Variants in ZNF581 observed in about 807,000 individuals in gnomAD.
ZNF581 encodes the protein zinc finger protein 581.
ZNF581 carries 1 observed loss-of-function variant against 1.2 expected under a neutral mutation model. That is an observed-to-expected ratio of 0.83 (90% CI 0.30 to 3.95). The LOEUF (loss-of-function observed/expected upper bound fraction) is 3.95, where lower values mean the gene tolerates loss of function less well. Among genes scored for constraint, ZNF581 ranks in the 30% most tolerant of loss-of-function variants. The probability of loss-of-function intolerance (pLI) is 0.18; values close to 1 mark genes in which losing one functional copy is unlikely to be tolerated. For synonymous variants in ZNF581, 105 were observed against 109.2 expected, an observed-to-expected ratio of 0.96 and a Z score of 0.24; for missense variants, 273 against 274.6, an observed-to-expected ratio of 0.99 and a Z score of 0.04.
upstream of ZNF581, chr19:55,642,344 C>T (rs2123629293): frequency 4.0e-6 from 5 of 1,264,466 alleles, no homozygotes; most frequent in Non-Finnish European, 5.0e-6. Context: ...CGTGGGAGAG[C>T]CGGGCTGGAG....
At position 55,644,790 on chromosome 19, in the gene ZNF581, G is replaced by A. The variant is rs769894667; in HGVS notation, c.219G>A (p.Arg73=). ...YTVLVDEESQ[R]EPGASGAPGQ... ...TGCTGGTGGACGAGGAGTCACAGAG[G>A]GAGCCAGGGGCCAGTGGGGCTCCAG... Residue 73 remains arginine, a synonymous_variant, in exon 2 of 2, where the codon AGG becomes AGA. Coordinates refer to ENST00000270451, the MANE Select transcript of ZNF581 (RefSeq NM_016535.4). This position sits in a 1 kb window ranked among gnomAD's most constrained non-coding sequence, Gnocchi z 4.3. The A allele has an allele frequency of 5.0e-6, 8 of 1,613,264 alleles. No homozygotes were observed. Among genetic ancestry groups the A allele is most frequent in the Admixed American group, 1.7e-5 (1 of 59,986 alleles).
upstream of ZNF581, chr19:55,641,908 G>C: frequency 3.2e-6 from 1 of 314,702 alleles, no homozygotes; most frequent in Non-Finnish European, 4.6e-6. Context: ...GGTTAGTGGG[G>C]CTCTGGGGAG....
upstream of ZNF581, chr19:55,643,086 C>G (rs1188764955): frequency 1.5e-6 from 2 of 1,333,272 alleles, no homozygotes; most frequent in African/African-American, 1.5e-5. Flanking sequence ...CTGACCCACA[C>G]AGCGTCACTC....
upstream of ZNF581, among the ~76,000 whole-genome samples, chr19:55,636,265 C>T (rs1982084507): frequency 6.6e-6 from 1 of 152,020 alleles, no homozygotes; most frequent in South Asian, 2.1e-4. Flanking sequence ...AAGGAAGGGG[C>T]CAGAACTTGG....
In ZNF581 at chr19:55,644,406, A is replaced by C; in HGVS notation, c.-19-147A>C. The C allele has an allele frequency of 1.6e-6, 1 of 613,710 alleles. No homozygotes were observed. The highest frequency in any genetic ancestry group is 2.8e-5 in the East Asian group (1 of 35,972). 38.0% of individuals were successfully genotyped at this position (613,710 alleles called of 1,614,324 possible). A position where few individuals can be genotyped will look rare whatever the true frequency, so the allele number is the denominator to read the frequency against. On this transcript the variant is annotated intron_variant, in intron 1 of 1. Transcript: ENST00000270451. The surrounding 1 kb of genome is among the most constrained non-coding windows in gnomAD (Gnocchi z 4.3). The stretch of plus-strand genomic sequence containing the variant: ...GACCTTTTAGGGGGCCACAGACTCC[A>C]GCTGTGAGCGGGACTGGAAAAGAGG...
upstream of ZNF581, chr19:55,642,148 G>A (rs1158469271): frequency 9.5e-7 from 1 of 1,049,830 alleles, no homozygotes; most frequent in Non-Finnish European, 1.1e-6. Flanking sequence ...GATGTAAAGA[G>A]GTAAACAGAT....
chr19:55,642,928 C>T (rs2123631719), upstream of ZNF581: 1 of 1,484,656 alleles, frequency 6.7e-7, no homozygotes, highest in Non-Finnish European at 8.9e-7. Flanking sequence ...GGCATCGCGC[C>T]ACGCACCGCG....
Position 55,645,225 on chromosome 19 carries a change from C to A in ZNF581, c.*60C>A. The A allele has an allele frequency of 7.0e-7, 1 of 1,424,290 alleles. No individual in the cohort carries two copies. The highest frequency in any genetic ancestry group is 1.4e-5 in the South Asian group (1 of 69,984). The allele number at this position is 1,424,290 out of a possible 1,614,324, so 88.2% of individuals were successfully genotyped here. On this transcript the variant is annotated 3_prime_UTR_variant, in exon 2 of 2. Coordinates refer to ENST00000270451, the MANE Select transcript of ZNF581 (RefSeq NM_016535.4). ...TTTGCAGGGAGCCTGGACTCCTGTC[C>A]AGACACCTGGTGAGAGCCTGAGGCT... is the stretch of plus-strand genomic sequence containing the variant.
At chr19:55,642,503 C>A (rs1450371014), upstream of ZNF581, 2 of 1,437,362 alleles carry the variant, frequency 1.4e-6, no homozygotes, top group Non-Finnish European at 1.8e-6. Flanking sequence ...CCAGCTGCCG[C>A]TCCAGATGCT....
At chr19:55,640,360 G>C, upstream of ZNF581, 16 of 985,494 alleles carry the variant, frequency 1.6e-5, no homozygotes, top group Non-Finnish European at 1.9e-5. Flanking sequence ...CTTCCAGTGG[G>C]CCCCGTGGGC....
In ZNF581 at chr19:55,645,421, A is replaced by C; in HGVS notation, c.*256A>C. 2.6e-6 allele frequency: 1 copy of C among 381,454 alleles called. No individual in the cohort carries two copies. Among genetic ancestry groups the C allele is most frequent in the Non-Finnish European group, 4.9e-6 (1 of 204,194 alleles). The allele number at this position is 381,454 out of a possible 1,614,324, so 23.6% of individuals were successfully genotyped here. A position where few individuals can be genotyped will look rare whatever the true frequency, so the allele number is the denominator to read the frequency against. ...CTAGCCTAAAGATATCAGCTGTTCCATGGCAGAGCCTTGACTGGATGGAGG... is the reference window on the plus strand; with the variant it reads ...CTAGCCTAAAGATATCAGCTGTTCCCTGGCAGAGCCTTGACTGGATGGAGG... On this transcript the variant is annotated 3_prime_UTR_variant, in exon 2 of 2. Transcript: ENST00000270451.
upstream of ZNF581, chr19:55,641,106 C>T: frequency 3.0e-6 from 3 of 985,406 alleles, no homozygotes; most frequent in Non-Finnish European, 3.6e-6. Flanking sequence ...GGTTCCGCCG[C>T]CGGCGCTCGC....
chr19:55,641,523 A>G (rs958173782), upstream of ZNF581, among the ~76,000 whole-genome samples: 3 of 152,232 alleles, frequency 2.0e-5, no homozygotes, highest in African/African-American at 7.2e-5. Context: ...GGAAGAGGTG[A>G]ACACGAGGAG....
upstream of ZNF581, among the ~76,000 whole-genome samples, chr19:55,637,596 C>T (rs1174674173): frequency 2.6e-5 from 4 of 151,930 alleles, no homozygotes; most frequent in African/African-American, 9.7e-5. Flanking sequence ...GAGGCGGAGG[C>T]TGCTGCTGCT....
chr19:55,640,372 G>A, upstream of ZNF581: 1 of 985,502 alleles, frequency 1.0e-6, no homozygotes, highest in Non-Finnish European at 1.2e-6. Flanking sequence ...CCCGTGGGCA[G>A]TGCCAGCCTT....
upstream of ZNF581, chr19:55,642,970 C>T (rs755381401): frequency 2.2e-6 from 3 of 1,386,894 alleles, no homozygotes; most frequent in East Asian, 8.9e-5. Context: ...CCTGCCCGCT[C>T]TGCCCACGCC....
Position 55,645,345 on chromosome 19 carries a change from C to T in ZNF581, c.*180C>T, listed in dbSNP as rs1600051546. On this transcript the variant is annotated 3_prime_UTR_variant, in exon 2 of 2. Coordinates refer to ENST00000270451, the MANE Select transcript of ZNF581 (RefSeq NM_016535.4). ...AATCCGTGAGTAATCTTCAGGTCCT[C>T]CGTGTTCTGGAGCTGAGATGGGAAT... 3 of 529,010 alleles carry T rather than the reference C, an allele frequency of 5.7e-6. No homozygotes were observed. Among genetic ancestry groups the T allele is most frequent in the East Asian group, 6.2e-5 (2 of 32,284 alleles). The allele number at this position is 529,010 out of a possible 1,614,324, so 32.8% of individuals were successfully genotyped here.
chr19:55,642,818 C>T (rs750478737), upstream of ZNF581: 57 of 1,573,804 alleles, frequency 3.6e-5, no homozygotes, highest in Non-Finnish European at 4.5e-5. Flanking sequence ...CTTTGCCAGC[C>T]CTCTGCGGCT....
At chr19:55,639,156 C>T (rs1050902311), upstream of ZNF581, among the ~76,000 whole-genome samples, 1 of 152,068 alleles carries the variant, frequency 6.6e-6, no homozygotes, top group Admixed American at 6.6e-5. Context: ...CTAGAGGACA[C>T]GGGCAATGTG....
Sources: allele counts gnomAD v4.1 joint callset (sites outside exome capture counted in the v4.1 genomes callset), GRCh38; gene constraint gnomAD v4.1.1; non-coding constraint Gnocchi (gnomAD v3.1); transcripts MANE v1.5; gene names NCBI Gene and HGNC (gene_info 2026-07-23, HGNC 2026-07-21).